The following SIRT5 variants were observed in gnomAD, a reference collection of about 807,000 sequenced individuals.
SIRT5 encodes NAD-dependent protein deacylase sirtuin-5, mitochondrial.
A neutral mutation model predicts 40.0 loss-of-function variants in SIRT5; 26 were observed. The observed-to-expected ratio is 0.65, with a 90% confidence interval of 0.48 to 0.90. The LOEUF (loss-of-function observed/expected upper bound fraction) is 0.90, where lower values mean the gene tolerates loss of function less well. SIRT5 is among the 40% of genes least tolerant of loss of function. SIRT5 has a pLI of 0.00. For synonymous variants in SIRT5, 146 were observed against 149.1 expected, an observed-to-expected ratio of 0.98 and a Z score of 0.15; for missense variants, 401 against 402.4, an observed-to-expected ratio of 1.00 and a Z score of 0.03.
At chr6:13,598,681 T>G (rs187851981) in intron 7 of SIRT5, among the ~76,000 whole-genome samples, 237 of 152,014 alleles carry the variant, frequency 1.6e-3, no homozygotes, top group African/African-American at 5.4e-3. Context: ...ATACGAAAAT[T>G]AGCTGGGTGT....
intron 3 of SIRT5, among the ~76,000 whole-genome samples, chr6:13,587,722 A>T (rs1760265841): frequency 6.6e-6 from 1 of 152,226 alleles, no homozygotes; most frequent in African/African-American, 2.4e-5. Flanking sequence ...AGTCTCTGGC[A>T]GTGTCCTGTT....
chr6:13,601,128 T>C (rs990087321), intron 9 of SIRT5, among the ~76,000 whole-genome samples, 179 bp downstream of exon 9: 2 of 152,234 alleles, frequency 1.3e-5, no homozygotes, highest in African/African-American at 4.8e-5. Context: ...TAAGGTAGGG[T>C]AGCTCTGTCA....
At chr6:13,596,828 C>CT in intron 6 of SIRT5, 135 bp from the exon 7 acceptor site, 1 of 665,888 alleles carries the variant, frequency 1.5e-6, no homozygotes, top group Non-Finnish European at 2.5e-6. Context: ...TTCTAATGCC[C>CT]TTCCAAGTGA....
At chr6:13,599,179 C>A (rs1255685660) in intron 8 of SIRT5, 24 bp downstream of exon 8, 2 of 1,610,726 alleles carry the variant, frequency 1.2e-6, no homozygotes, top group Non-Finnish European at 1.7e-6. Context: ...TTCCCTAACC[C>A]CAGGACAGGA....
chr6:13,611,311 TAACATGCCA>T (rs1763891903), intron 9 of SIRT5, among the ~76,000 whole-genome samples: 1 of 149,566 alleles, frequency 6.7e-6, no homozygotes, highest in African/African-American at 2.4e-5. Flanking sequence ...TGTCTATATA[TAACATGCCA>T]AACATACGTG....
At chr6:13,606,330 C>T (rs1448423903) in intron 9 of SIRT5, among the ~76,000 whole-genome samples, 2 of 152,230 alleles carry the variant, frequency 1.3e-5, no homozygotes, top group Non-Finnish European at 2.9e-5. Context: ...GTTGGGGGCT[C>T]TGGGGAGGGA....
Position 13,597,427 on chromosome 6 carries a change from A to G in SIRT5, c.617+411A>G, listed in dbSNP as rs1412462890. On this transcript the variant is annotated intron_variant, in intron 7 of 9. Transcript: ENST00000606117. Reference sequence around the variant, plus strand: ...GGTTACAGGACCAAACAGAATGTTCATAGATTAAAAAAAAAAAAAAAAAAA... The same window carrying G: ...GGTTACAGGACCAAACAGAATGTTCGTAGATTAAAAAAAAAAAAAAAAAAA... Among the ~76,000 whole-genome samples, 3 of 146,578 alleles carry G rather than the reference A, an allele frequency of 2.0e-5. No individual in the cohort carries two copies. In the East Asian group the frequency reaches 5.9e-4, roughly 29 times the overall value.
intron 2 of SIRT5, among the ~76,000 whole-genome samples, chr6:13,580,360 A>G (rs1759180086): frequency 6.6e-6 from 1 of 152,088 alleles, no homozygotes; most frequent in Non-Finnish European, 1.5e-5. Context: ...CACGCTTTTT[A>G]TTATACAGTT....
In SIRT5 at chr6:13,592,915, A is replaced by ATTTTT. The variant is rs70989874; in HGVS notation, c.475+1033_475+1037dup. Among the ~76,000 whole-genome samples the ATTTTT allele has an allele frequency of 6.8e-4, 94 of 139,132 alleles. 1 individual carries two copies. The highest frequency in any genetic ancestry group is 1.2e-3 in the Non-Finnish European group (79 of 65,652). 91.3% of individuals were successfully genotyped at this position (139,132 alleles called of 152,430 possible). ...ATTTCTCTTAATTTAATTTAATTTA[A>ATTTTT]TTTTTTTTTTTTTTTTAGCAATGGG... On this transcript the variant is annotated intron_variant, in intron 5 of 9. Transcript: ENST00000606117.
intron 3 of SIRT5, 75 bp downstream of exon 3, chr6:13,584,300 GTC>G: frequency 1.8e-6 from 2 of 1,095,050 alleles, no homozygotes; most frequent in Non-Finnish European, 2.8e-6. Context: ...CGAGAGGAAT[GTC>G]TCTGTCAAAT....
chr6:13,598,989 G>A, intron 7 of SIRT5, 43 bp from the exon 8 acceptor site: 1 of 1,607,728 alleles, frequency 6.2e-7, no homozygotes, highest in Non-Finnish European at 8.5e-7. Context: ...ATCCAGCTGG[G>A]CAGACTTGGC....
Position 13,600,764 on chromosome 6 carries a change from G to C in SIRT5, c.742-70G>C, listed in dbSNP as rs79758424. On this transcript the variant is annotated intron_variant, in intron 8 of 9. Coordinates refer to ENST00000606117, the MANE Select transcript of SIRT5 (RefSeq NM_012241.5). ...ACAGACCTGCCTGAGTTTGTGTAAG[G>C]TTTTCTGAAATAATGTTCCTTCTCC... 1.3e-3 allele frequency: 1,665 copies of C among 1,263,714 alleles called. 31 individuals are homozygous for C. In the East Asian group the frequency reaches 0.041, roughly 31 times the overall value. The allele number at this position is 1,263,714 out of a possible 1,614,324, so 78.3% of individuals were successfully genotyped here. A position where few individuals can be genotyped will look rare whatever the true frequency, so the allele number is the denominator to read the frequency against.
At chr6:13,578,206 A>AT (rs1020735289) in intron 1 of SIRT5, among the ~76,000 whole-genome samples, 7 of 152,120 alleles carry the variant, frequency 4.6e-5, no homozygotes, top group African/African-American at 1.7e-4. Flanking sequence ...GTTTGTTAGT[A>AT]TTTTGTTAAG....
At chr6:13,596,378 A>AATG (rs754512348) in intron 6 of SIRT5, among the ~76,000 whole-genome samples, 1 of 152,120 alleles carries the variant, frequency 6.6e-6, no homozygotes, top group East Asian at 1.9e-4. Context: ...AGAGGATACA[A>AATG]ATGATGATGA....
At chr6:13,583,901 G>C (rs1397009574) in intron 2 of SIRT5, among the ~76,000 whole-genome samples, 175 bp from the exon 3 acceptor site, 1 of 152,158 alleles carries the variant, frequency 6.6e-6, no homozygotes, top group African/African-American at 2.4e-5. Context: ...TTCAGAGGAT[G>C]ATCTGTTACT....
chr6:13,591,596 G>C, intron 4 of SIRT5, 73 bp from the exon 5 acceptor site: 1 of 1,272,154 alleles, frequency 7.9e-7, no homozygotes, highest in Non-Finnish European at 1.1e-6. Context: ...TAGGGAGGAA[G>C]GGCCTGTGCC....
At chr6:13,590,874 G>T (rs1760793019) in intron 4 of SIRT5, among the ~76,000 whole-genome samples, 1 of 149,874 alleles carries the variant, frequency 6.7e-6, no homozygotes, top group African/African-American at 2.4e-5. Context: ...ATGTAGACGT[G>T]TGTAGTTTGT....
intron 5 of SIRT5, among the ~76,000 whole-genome samples, chr6:13,595,100 A>C (rs1761396797): frequency 6.6e-6 from 1 of 152,178 alleles, no homozygotes; most frequent in Non-Finnish European, 1.5e-5. Flanking sequence ...TCATGGAGTT[A>C]TTTATTTTTC....
intron 9 of SIRT5, chr6:13,605,859 C>G: frequency 1.0e-6 from 1 of 981,656 alleles, no homozygotes; most frequent in Non-Finnish European, 1.2e-6. Flanking sequence ...CTTCAAAGCA[C>G]CTTTGGCCCA....
Sources: gnomAD v4.1 joint callset for allele counts (sites outside exome capture counted in the v4.1 genomes callset) on GRCh38, gnomAD v4.1.1 for gene constraint, MANE v1.5 for transcripts, NCBI Gene and HGNC (gene_info 2026-07-23, HGNC 2026-07-21) for gene names.